DSCAM: variants seen among roughly 807,000 people sequenced by gnomAD.
DSCAM encodes the protein DS cell adhesion molecule, also known as cell adhesion molecule DSCAM.
Under a neutral mutation model 217.7 loss-of-function variants are expected in DSCAM, and 47 were observed. The ratio of observed to expected loss-of-function variants is 0.22; its 90% CI spans 0.17 to 0.28. DSCAM has a LOEUF of 0.28. Among genes scored for constraint, DSCAM ranks in the 10% least tolerant of loss-of-function variants. The probability of loss-of-function intolerance (pLI) is 1.00; values close to 1 mark genes in which losing one functional copy is unlikely to be tolerated. For synonymous variants in DSCAM, 1,056 were observed against 1,015.3 expected, an observed-to-expected ratio of 1.04 and a Z score of -0.76; for missense variants, 2,080 against 2,618.3, an observed-to-expected ratio of 0.79 and a Z score of 4.49.
intron 1 of DSCAM, among the ~76,000 whole-genome samples, chr21:40,757,599 G>A (rs532427052): frequency 3.3e-5 from 5 of 152,292 alleles, no homozygotes; most frequent in South Asian, 2.1e-4. Context: ...TCCACCACCC[G>A]AGTACTAGGC....
At chr21:40,239,141 CTGCAGAGAAGAA>C (rs2073115694) in intron 11 of DSCAM, among the ~76,000 whole-genome samples, 2 of 152,190 alleles carry the variant, frequency 1.3e-5, no homozygotes, top group South Asian at 4.1e-4. Flanking sequence ...AAGGTCTTTT[CTGCAGAGAAGAA>C]TGCACAGCGT....
chr21:40,175,805 A>ACACGCACG (rs1555886102), intron 15 of DSCAM, among the ~76,000 whole-genome samples: 5 of 112,536 alleles, frequency 4.4e-5, no homozygotes, highest in African/African-American at 1.7e-4. Context: ...ACACACACAC[A>ACACGCACG]CACGCACACA....
intron 17 of DSCAM, among the ~76,000 whole-genome samples, chr21:40,142,910 T>C (rs996321223): frequency 6.6e-6 from 1 of 152,236 alleles, no homozygotes; most frequent in Admixed American, 6.5e-5. Context: ...AGTCAATGCA[T>C]ATATTCTAAT....
Position 40,643,389 on chromosome 21 carries a change from T to C in DSCAM, c.508+49421A>G, listed in dbSNP as rs925275063. On this transcript the variant is annotated intron_variant, in intron 3 of 32. Transcript: ENST00000400454. ...ACATCAGAGGGTCATGGTGAAATTA[T>C]TGTAGAAAACTTTGGTTTAAATTCA... 3.9e-5 allele frequency among the ~76,000 whole-genome samples: 6 copies of C among 152,194 alleles called. No homozygotes were observed. The South Asian group carries it at 1.0e-3, about 26-fold the overall frequency.
chr21:40,635,451 A>C (rs1052923630), intron 3 of DSCAM, among the ~76,000 whole-genome samples: 1 of 152,192 alleles, frequency 6.6e-6, no homozygotes, highest in African/African-American at 2.4e-5. Context: ...TAATGAAAAT[A>C]ATCTAGTTAA....
At chr21:40,261,416 T>C (rs2073448288) in intron 11 of DSCAM, among the ~76,000 whole-genome samples, 1 of 152,138 alleles carries the variant, frequency 6.6e-6, no homozygotes, top group African/African-American at 2.4e-5. Flanking sequence ...ATCCCATCCA[T>C]TTAAGACCTG....
intron 3 of DSCAM, among the ~76,000 whole-genome samples, chr21:40,445,541 C>T (rs1229387345): frequency 1.3e-5 from 2 of 152,160 alleles, no homozygotes; most frequent in Non-Finnish European, 2.9e-5. Context: ...CATTAGTCAG[C>T]TAATTTCATA....
chr21:40,114,721 AAAAC>A (rs1168940436), intron 20 of DSCAM, among the ~76,000 whole-genome samples: 9 of 152,226 alleles, frequency 5.9e-5, no homozygotes, highest in African/African-American at 1.9e-4. Context: ...TTACAAGAAA[AAAAC>A]AAACAACCCC....
At chr21:40,072,704 G>A (rs189580357) in intron 27 of DSCAM, among the ~76,000 whole-genome samples, 109 of 152,168 alleles carry the variant, frequency 7.2e-4, no homozygotes, top group Admixed American at 2.7e-3. Flanking sequence ...ACAAAATGCC[G>A]AACTGCAGAT....
At chr21:40,534,361 T>A (rs1328646941) in intron 3 of DSCAM, among the ~76,000 whole-genome samples, 2 of 152,216 alleles carry the variant, frequency 1.3e-5, no homozygotes, top group Non-Finnish European at 2.9e-5. Flanking sequence ...AAAGTAAATG[T>A]CATTTGTGAC....
chr21:40,085,843 ACT>A (rs2089525974), intron 22 of DSCAM, 78 bp from the exon 23 acceptor site: 7 of 1,292,196 alleles, frequency 5.4e-6, no homozygotes, highest in Admixed American at 2.8e-5. Flanking sequence ...AAACAGAAAG[ACT>A]CTGTGAAGCA....
At chr21:40,288,136 T>C (rs892795659) in intron 10 of DSCAM, among the ~76,000 whole-genome samples, 2 of 152,096 alleles carry the variant, frequency 1.3e-5, no homozygotes, top group Admixed American at 1.3e-4. Flanking sequence ...TCAACAAAGA[T>C]TGGCTGTAGA....
chr21:40,177,819 A>G (rs2090749784), intron 15 of DSCAM, among the ~76,000 whole-genome samples: 1 of 152,232 alleles, frequency 6.6e-6, no homozygotes, highest in Non-Finnish European at 1.5e-5. Flanking sequence ...TAATGAGGGT[A>G]GCAGAGATGA....
intron 3 of DSCAM, among the ~76,000 whole-genome samples, chr21:40,523,074 T>C (rs2076372190): frequency 6.6e-6 from 1 of 152,158 alleles, no homozygotes; most frequent in African/African-American, 2.4e-5. Context: ...TATTGGAGTT[T>C]CCTATTGAGT....
At chr21:40,626,155 G>A (rs537274716) in intron 3 of DSCAM, among the ~76,000 whole-genome samples, 241 of 152,154 alleles carry the variant, frequency 1.6e-3, no homozygotes, top group African/African-American at 4.9e-3. Flanking sequence ...ATGCCAAATC[G>A]CATCACAGGG....
intron 3 of DSCAM, among the ~76,000 whole-genome samples, chr21:40,685,898 G>C (rs1438865121): frequency 6.6e-6 from 1 of 151,300 alleles, no homozygotes; most frequent in Non-Finnish European, 1.5e-5. Flanking sequence ...GAGGACTAGA[G>C]AAATCACTGC....
intron 3 of DSCAM, among the ~76,000 whole-genome samples, chr21:40,422,959 G>T (rs536980711): frequency 1.1e-4 from 16 of 152,260 alleles, no homozygotes; most frequent in African/African-American, 3.6e-4. Flanking sequence ...ATCAGTAAAG[G>T]TTAAGTATCT....
chr21:40,405,148 A>G, intron 3 of DSCAM, among the ~76,000 whole-genome samples: 1 of 152,200 alleles, frequency 6.6e-6, no homozygotes, highest in East Asian at 1.9e-4. Context: ...TATATTGTCT[A>G]GTAAAAATAA....
At chr21:40,582,869 G>C (rs913770624) in intron 3 of DSCAM, among the ~76,000 whole-genome samples, 2 of 152,130 alleles carry the variant, frequency 1.3e-5, no homozygotes, top group African/African-American at 4.8e-5. Flanking sequence ...ATTTAACCTA[G>C]TGGGAACTGT....
Sources: allele counts gnomAD v4.1 joint callset (sites outside exome capture counted in the v4.1 genomes callset), GRCh38; gene constraint gnomAD v4.1.1; transcripts MANE v1.5; gene names NCBI Gene and HGNC (gene_info 2026-07-23, HGNC 2026-07-21).